Variants in SLC6A6 observed in about 807,000 individuals in gnomAD.
SLC6A6 encodes sodium- and chloride-dependent taurine transporter.
In SLC6A6, 16 loss-of-function variants were observed where a neutral mutation model predicts 68.8. The observed-to-expected ratio is 0.23, with a 90% CI of 0.16 to 0.35. The LOEUF (loss-of-function observed/expected upper bound fraction) is 0.35. Ranked by LOEUF, SLC6A6 falls within the 10% of genes least tolerant of loss-of-function variation. The probability of loss-of-function intolerance (pLI) is 1.00; values close to 1 mark genes in which losing one functional copy is unlikely to be tolerated. For missense variants in SLC6A6, 474 were observed against 802.8 expected (o/e 0.59, Z 4.95); for synonymous variants, 312 against 315.4 (o/e 0.99, Z 0.12).
intron 6 of SLC6A6, among the ~76,000 whole-genome samples, chr3:14,465,314 C>T (rs1229365246): frequency 6.6e-6 from 1 of 152,222 alleles, no homozygotes; most frequent in East Asian, 1.9e-4. Flanking sequence ...CCACCTCACA[C>T]CTGATCTTGG....
In SLC6A6 at chr3:14,468,954, G is replaced by A. The variant is rs553259081; in HGVS notation, c.1096+742G>A. On this transcript the variant is annotated intron_variant, in intron 9 of 14. Transcript: ENST00000622186. This position sits in a 1 kb window ranked among gnomAD's most constrained non-coding sequence, Gnocchi z 4.5. ...TCTGGGATCCCAGAGTTCCAGCAAG[G>A]TGCTTCTGGAACCTGAGAATCATGG... 1.3e-5 allele frequency among the ~76,000 whole-genome samples: 2 copies of A among 152,272 alleles called. No individual in the cohort carries two copies. Among genetic ancestry groups the A allele is most frequent in the East Asian group, 3.9e-4 (2 of 5,176 alleles).
chr3:14,470,015 G>A (rs1423921857), intron 9 of SLC6A6, among the ~76,000 whole-genome samples: 2 of 152,216 alleles, frequency 1.3e-5, no homozygotes, highest in Non-Finnish European at 2.9e-5. Context: ...TTAGAGTGGT[G>A]AGGGGGAGCC....
intron 2 of SLC6A6, among the ~76,000 whole-genome samples, chr3:14,421,605 C>A (rs1215841729): frequency 1.3e-5 from 2 of 152,196 alleles, no homozygotes; most frequent in African/African-American, 4.8e-5. Flanking sequence ...ATGTTTGGTG[C>A]CTCTATCTCA....
At chr3:14,441,590 G>A (rs970080867) in intron 2 of SLC6A6, among the ~76,000 whole-genome samples, 2 of 152,224 alleles carry the variant, frequency 1.3e-5, no homozygotes, top group Admixed American at 6.5e-5. Flanking sequence ...CCAGGGAGAG[G>A]AAGGAGGTGT....
At chr3:14,410,061 C>T (rs1277027723) in intron 1 of SLC6A6, among the ~76,000 whole-genome samples, 1 of 151,504 alleles carries the variant, frequency 6.6e-6, no homozygotes, top group Non-Finnish European at 1.5e-5. Context: ...TGGTGGGCAC[C>T]TGTAATCCCA....
In SLC6A6 at chr3:14,485,665, C is replaced by G. The variant is rs1701140046; in HGVS notation, c.*658C>G. On this transcript the variant is annotated 3_prime_UTR_variant, in exon 15 of 15. Transcript: ENST00000622186. ...ATGCCAAAGGAATGAACCAACCCTT[C>G]ACATAAAGGAGACTGGCTGAAGCTG... 1.3e-5 allele frequency: 2 copies of G among 152,666 alleles called. No individual in the cohort carries two copies. Among genetic ancestry groups the G allele is most frequent in the Admixed American group, 6.5e-5 (1 of 15,282 alleles). 9.5% of individuals were successfully genotyped at this position (152,666 alleles called of 1,614,324 possible).
intron 2 of SLC6A6, among the ~76,000 whole-genome samples, chr3:14,417,818 G>A (rs529410378): frequency 9.2e-5 from 14 of 151,616 alleles, no homozygotes; most frequent in Middle Eastern, 3.4e-3. Flanking sequence ...TAACATTGAC[G>A]TGATTCTGTT....
At chr3:14,444,867 G>A (rs781020504) in intron 3 of SLC6A6, 7 of 455,468 alleles carry the variant, frequency 1.5e-5, no homozygotes, top group South Asian at 1.1e-4. Flanking sequence ...TGGACACCAG[G>A]TAGGATCCCC....
chr3:14,418,814 A>C (rs974707496), intron 2 of SLC6A6, among the ~76,000 whole-genome samples: 4 of 152,210 alleles, frequency 2.6e-5, no homozygotes, highest in African/African-American at 7.2e-5. Context: ...ACAGATCAGA[A>C]AACTGAGGCT....
At chr3:14,419,480 G>C (rs759781034) in intron 2 of SLC6A6, among the ~76,000 whole-genome samples, 9 of 152,210 alleles carry the variant, frequency 5.9e-5, no homozygotes, top group Non-Finnish European at 1.2e-4. Context: ...AAGTATTGCT[G>C]ACAGGGGGCA....
chr3:14,443,587 C>T (rs199578470), intron 2 of SLC6A6, 37 bp from the exon 3 acceptor site: 1 of 1,373,640 alleles, frequency 7.3e-7, no homozygotes, highest in East Asian at 2.3e-5. Flanking sequence ...GGTGGTCCCT[C>T]ATCAGCTGCA....
chr3:14,455,952 G>C (rs1368280301), intron 5 of SLC6A6, among the ~76,000 whole-genome samples: 1 of 152,216 alleles, frequency 6.6e-6, no homozygotes, highest in African/African-American at 2.4e-5. Flanking sequence ...GGACTGAAGA[G>C]ATTGTTAAAA....
chr3:14,449,530 G>A (rs571685421), intron 5 of SLC6A6, among the ~76,000 whole-genome samples: 76 of 152,290 alleles, frequency 5.0e-4, no homozygotes, highest in African/African-American at 1.6e-3. Flanking sequence ...TACTGAAGGC[G>A]TTTGCTGGGA....
chr3:14,468,003 A>ATG lies in SLC6A6; in HGVS notation c.971+48_971+49dup, dbSNP rs1277133408. 1.2e-6 allele frequency: 2 copies of ATG among 1,608,750 alleles called. No homozygotes were observed. The highest frequency in any genetic ancestry group is 1.7e-6 in the Non-Finnish European group (2 of 1,175,498). On this transcript the variant is annotated intron_variant, in intron 8 of 14. Transcript: ENST00000622186. The surrounding 1 kb of genome is among the most constrained non-coding windows in gnomAD (Gnocchi z 4.5). ...CTGGTGGACTTTAGAAATGATGATG[A>ATG]TGATGTTTAAAGAAAAAGAGAAGTA... is the stretch of plus-strand genomic sequence containing the variant.
chr3:14,477,269 G>A lies in SLC6A6; in HGVS notation c.1274G>A (p.Gly425Asp). 6.2e-7 allele frequency: 1 copy of A among 1,613,540 alleles called. No individual in the cohort carries two copies. The highest frequency in any genetic ancestry group is 8.5e-7 in the Non-Finnish European group (1 of 1,179,472). ...CTTTACCCATCCTTCCTAAGGAAGG[G>A]TTATCGTCGGGAAATCTTCATCGCC... Reference protein sequence around the residue: ...VDLYPSFLRKGYRREIFIAFV... With the variant: ...VDLYPSFLRKDYRREIFIAFV... Residue 425 changes from glycine to aspartate, a missense_variant, in exon 11 of 15, where the codon GGT becomes GAT. By Grantham distance (94) the Gly-to-Asp change is moderately conservative (BLOSUM62 -1). Around this residue, in one of 2 missense-constraint regions of SLC6A6, gnomAD observed 194 missense variants for 269.8 expected, o/e 0.72. Transcript: ENST00000622186. The surrounding 1 kb of genome is among the most constrained non-coding windows in gnomAD (Gnocchi z 4.2).
chr3:14,474,125 CCTAAGTCA>C (rs998497484), intron 10 of SLC6A6, among the ~76,000 whole-genome samples: 4 of 152,190 alleles, frequency 2.6e-5, no homozygotes, highest in Non-Finnish European at 5.9e-5. Context: ...AGAAATCGAA[CCTAAGTCA>C]CTGGTCTCCC....
Position 14,458,713 on chromosome 3 carries a change from C to G in SLC6A6, c.732+631C>G, listed in dbSNP as rs146175654. ...CTAAATCAGATTAACTGAGTTATAA[C>G]TAACATTTCAGCCGGCACCTCCAAT... On this transcript the variant is annotated intron_variant, in intron 6 of 14. Transcript: ENST00000622186. 1.6e-3 allele frequency among the ~76,000 whole-genome samples: 240 copies of G among 152,344 alleles called. 1 individual carries two copies. The highest frequency in any genetic ancestry group is 5.7e-3 in the African/African-American group (235 of 41,566).
chr3:14,473,669 CAG>C (rs1210947705), intron 10 of SLC6A6, among the ~76,000 whole-genome samples: 1 of 152,118 alleles, frequency 6.6e-6, no homozygotes, highest in East Asian at 1.9e-4. Flanking sequence ...ACGAAAACAT[CAG>C]GGAGACGGAA....
chr3:14,453,868 T>C (rs931000475), intron 5 of SLC6A6, among the ~76,000 whole-genome samples: 1 of 151,902 alleles, frequency 6.6e-6, no homozygotes, highest in East Asian at 1.9e-4. Flanking sequence ...AGCAGTTAGG[T>C]CCAAGGCCTT....
Sources: allele counts gnomAD v4.1 joint callset (sites outside exome capture counted in the v4.1 genomes callset), GRCh38; gene constraint gnomAD v4.1.1; regional missense constraint gnomAD v4.1.1; non-coding constraint Gnocchi (gnomAD v3.1); transcripts MANE v1.5; gene names NCBI Gene and HGNC (gene_info 2026-07-23, HGNC 2026-07-21).